The following PRKCA variants were observed in gnomAD, a reference collection of about 807,000 sequenced individuals.
The protein encoded by PRKCA is protein kinase C alpha type.
In PRKCA, 27 loss-of-function variants were observed where a neutral mutation model predicts 87.0. The observed-to-expected ratio is 0.31, with a 90% CI of 0.23 to 0.43. PRKCA has a LOEUF of 0.43. PRKCA is among the 20% of genes least tolerant of loss of function. The pLI, the probability that PRKCA is intolerant of heterozygous loss-of-function variation, is 1.00. For missense variants in PRKCA, 518 were observed against 852.3 expected, an observed-to-expected ratio of 0.61 and a Z score of 4.88; for synonymous variants, 329 against 311.1, an observed-to-expected ratio of 1.06 and a Z score of -0.61.
intron 8 of PRKCA, among the ~76,000 whole-genome samples, chr17:66,691,672 CT>C (rs1972788557): frequency 1.3e-5 from 2 of 152,190 alleles, no homozygotes; most frequent in Non-Finnish European, 2.9e-5. Context: ...CTTCAGCTGT[CT>C]CAGGCAGGGG....
chr17:66,477,704 C>CA (rs1364277543), intron 2 of PRKCA, among the ~76,000 whole-genome samples: 1 of 151,978 alleles, frequency 6.6e-6, no homozygotes, highest in African/African-American at 2.4e-5. Flanking sequence ...CGTCTCAAAA[C>CA]AAAAAACAAA....
intron 3 of PRKCA, among the ~76,000 whole-genome samples, chr17:66,606,147 T>TG (rs1567927150): frequency 6.6e-6 from 1 of 152,146 alleles, no homozygotes; most frequent in African/African-American, 2.4e-5. Context: ...CCCAGCACTT[T>TG]GGGAGGCTGA....
intron 2 of PRKCA, among the ~76,000 whole-genome samples, chr17:66,444,495 C>A (rs991743708): frequency 1.3e-4 from 20 of 152,150 alleles, no homozygotes; most frequent in African/African-American, 4.8e-4. Flanking sequence ...ATTCTCAGAG[C>A]TAGGCTGCTT....
chr17:66,527,856 G>T (rs1164489444), intron 3 of PRKCA, among the ~76,000 whole-genome samples: 1 of 152,080 alleles, frequency 6.6e-6, no homozygotes, highest in Non-Finnish European at 1.5e-5. Flanking sequence ...CAATAATCTT[G>T]GTGACTGTAT....
At chr17:66,460,570 C>T (rs923639068) in intron 2 of PRKCA, among the ~76,000 whole-genome samples, 3 of 152,292 alleles carry the variant, frequency 2.0e-5, no homozygotes, top group Non-Finnish European at 4.4e-5. Context: ...CACTCTATAG[C>T]TGGCCTCTGC....
In PRKCA at chr17:66,512,457, AGTGTGTGTGTGT is replaced by A. The variant is rs71160573; in HGVS notation, c.288+16197_288+16208del. 8.3e-5 allele frequency among the ~76,000 whole-genome samples: 12 copies of A among 144,470 alleles called. No individual in the cohort carries two copies. In the South Asian group the frequency reaches 9.3e-4, roughly 11 times the overall value. The allele number at this position is 144,470 out of a possible 152,430, so 94.8% of individuals were successfully genotyped here. Reference sequence around the variant, plus strand: ...CCCTGTCTCCAACAACAACAAAAAAAGTGTGTGTGTGTGTGTGTGTGTGTGTGTGTGTGTATT... The same window carrying A: ...CCCTGTCTCCAACAACAACAAAAAAAGTGTGTGTGTGTGTGTGTGTGTATT... On this transcript the variant is annotated intron_variant, in intron 3 of 16. Coordinates refer to ENST00000413366, the MANE Select transcript of PRKCA (RefSeq NM_002737.3).
intron 2 of PRKCA, among the ~76,000 whole-genome samples, chr17:66,367,540 C>A (rs1368879101): frequency 2.0e-5 from 3 of 152,186 alleles, no homozygotes; most frequent in Non-Finnish European, 4.4e-5. Context: ...TCTAAATGAT[C>A]TTCTCAGCCC....
chr17:66,355,195 A>G (rs1446773330), intron 2 of PRKCA, among the ~76,000 whole-genome samples: 2 of 152,170 alleles, frequency 1.3e-5, no homozygotes, highest in Non-Finnish European at 2.9e-5. Context: ...ATATATGCAG[A>G]AAGGGCTTCA....
chr17:66,666,106 A>G (rs543377896), intron 5 of PRKCA, among the ~76,000 whole-genome samples: 2 of 152,240 alleles, frequency 1.3e-5, no homozygotes, highest in Non-Finnish European at 2.9e-5. Flanking sequence ...AGAAGATACC[A>G]GGCAAGGCAT....
chr17:66,645,298 T>A, intron 4 of PRKCA, 85 bp from the exon 5 acceptor site: 1 of 1,583,714 alleles, frequency 6.3e-7, no homozygotes, highest in South Asian at 1.1e-5. Context: ...TAACTCATTT[T>A]CACTTGTGCT....
At chr17:66,352,391 C>T (rs1207810590) in intron 2 of PRKCA, among the ~76,000 whole-genome samples, 1 of 152,010 alleles carries the variant, frequency 6.6e-6, no homozygotes, top group Non-Finnish European at 1.5e-5. Context: ...AATGAACTAT[C>T]AAGAGCAGGG....
chr17:66,501,412 C>T (rs902624428), intron 3 of PRKCA, among the ~76,000 whole-genome samples: 2 of 152,168 alleles, frequency 1.3e-5, no homozygotes, highest in Non-Finnish European at 2.9e-5. Flanking sequence ...AAAAGCTGAG[C>T]AATTCCTAGA....
intron 5 of PRKCA, among the ~76,000 whole-genome samples, chr17:66,655,085 T>G (rs1409099020): frequency 6.6e-6 from 1 of 152,224 alleles, no homozygotes; most frequent in African/African-American, 2.4e-5. Flanking sequence ...TCCAGGCACA[T>G]CCTTGGCACA....
intron 2 of PRKCA, among the ~76,000 whole-genome samples, chr17:66,470,625 C>T (rs1915287666): frequency 1.3e-5 from 2 of 152,194 alleles, no homozygotes; most frequent in African/African-American, 2.4e-5. Flanking sequence ...TATGGTAATT[C>T]CCCACGTGTC....
chr17:66,430,171 T>C lies in PRKCA; in HGVS notation c.206-66030T>C, dbSNP rs1284449175. Among the ~76,000 whole-genome samples, 5 of 152,144 alleles carry C rather than the reference T, an allele frequency of 3.3e-5. No individual in the cohort carries two copies. In the South Asian group the frequency reaches 6.2e-4, roughly 19 times the overall value. ...CATCCTCCTTTTCCATCAAGGTTCC[T>C]CTTCAGGCTTTGAGCGGATCCATGC... On this transcript the variant is annotated intron_variant, in intron 2 of 16. Transcript: ENST00000413366.
intron 2 of PRKCA, among the ~76,000 whole-genome samples, chr17:66,371,387 A>G (rs967629116): frequency 6.6e-6 from 1 of 152,218 alleles, no homozygotes; most frequent in African/African-American, 2.4e-5. Flanking sequence ...TCAGATCCAC[A>G]TATAAGACTC....
chr17:66,596,478 T>A (rs939030132), intron 3 of PRKCA, among the ~76,000 whole-genome samples: 4 of 151,698 alleles, frequency 2.6e-5, no homozygotes, highest in Non-Finnish European at 1.5e-5. Flanking sequence ...TCTGGAGTGA[T>A]CAGTATCTTC....
intron 3 of PRKCA, among the ~76,000 whole-genome samples, chr17:66,559,504 AAAG>A (rs1446517992): frequency 6.7e-6 from 1 of 148,532 alleles, no homozygotes; most frequent in East Asian, 1.9e-4. Context: ...AAAAAAAAAA[AAAG>A]CTCTCCAGTA....
At chr17:66,384,476 C>T (rs549768019) in intron 2 of PRKCA, among the ~76,000 whole-genome samples, 17 of 152,284 alleles carry the variant, frequency 1.1e-4, no homozygotes, top group African/African-American at 2.9e-4. Flanking sequence ...AAGATTTGCT[C>T]ATTTTTAGAA....
Sources: allele counts gnomAD v4.1 joint callset (sites outside exome capture counted in the v4.1 genomes callset), GRCh38; gene constraint gnomAD v4.1.1; transcripts MANE v1.5; gene names NCBI Gene and HGNC (gene_info 2026-07-23, HGNC 2026-07-21).